Variants in TEK observed in about 807,000 individuals in gnomAD.
TEK encodes the protein angiopoietin-1 receptor.
Under a neutral mutation model 131.8 loss-of-function variants are expected in TEK, and 43 were observed. The ratio of observed to expected loss-of-function variants is 0.33; its 90% CI spans 0.26 to 0.42. The LOEUF is 0.42. Ranked by LOEUF, TEK falls within the 10% of genes least tolerant of loss-of-function variation. The pLI, the probability that TEK is intolerant of heterozygous loss-of-function variation, is 1.00. For synonymous variants in TEK, 580 were observed against 491.6 expected (o/e 1.18, Z -2.38); for missense variants, 1,162 against 1,384.4 (o/e 0.84, Z 2.55).
intron 1 of TEK, among the ~76,000 whole-genome samples, chr9:27,127,640 G>C (rs913093727): frequency 1.3e-5 from 2 of 152,196 alleles, no homozygotes; most frequent in Non-Finnish European, 2.9e-5. Flanking sequence ...TCCAGCATCT[G>C]TTGTTTCCTG....
chr9:27,183,695 A>C, intron 8 of TEK, 85 bp downstream of exon 8: 1 of 1,548,098 alleles, frequency 6.5e-7, no homozygotes, highest in Non-Finnish European at 8.9e-7. Context: ...GATACCATTC[A>C]GTGCTTTTAT....
rs553450 is a variant in TEK at position 27,184,842 on chromosome 9, G to T, written c.1183-643G>T. Among the ~76,000 whole-genome samples the T allele has an allele frequency of 5.6e-3, 849 of 151,892 alleles. 6 individuals are homozygous for T. Among genetic ancestry groups the T allele is most frequent in the African/African-American group, 0.019 (779 of 41,430 alleles). ...CACTTTAGGCCAGAAATTTGAGACC[G>T]GCCTGGGCAACATAGCAAGACCCCA... On this transcript the variant is annotated intron_variant, in intron 8 of 22. Transcript: ENST00000380036.
chr9:27,207,032 T>A lies in TEK; in HGVS notation c.2575+240T>A, dbSNP rs1825423304. Among the ~76,000 whole-genome samples the A allele has an allele frequency of 2.0e-5, 3 of 152,216 alleles. No homozygotes were observed. In the South Asian group the frequency reaches 6.2e-4, roughly 32 times the overall value. Reference sequence around the variant, plus strand: ...ATTCATTGGGATGAGATACTATAGATTCTTGGTCATATATGGCTAACTTTT... The same window carrying A: ...ATTCATTGGGATGAGATACTATAGAATCTTGGTCATATATGGCTAACTTTT... On this transcript the variant is annotated intron_variant, in intron 15 of 22. Coordinates refer to ENST00000380036, the MANE Select transcript of TEK (RefSeq NM_000459.5).
intron 18 of TEK, among the ~76,000 whole-genome samples, chr9:27,213,901 C>T (rs1376977869): frequency 6.6e-6 from 1 of 152,162 alleles, no homozygotes; most frequent in Non-Finnish European, 1.5e-5. Flanking sequence ...CACTCAGGAA[C>T]CTCTGAGGAG....
intron 1 of TEK, among the ~76,000 whole-genome samples, chr9:27,135,400 G>A (rs1433909332): frequency 6.6e-6 from 1 of 151,970 alleles, no homozygotes; most frequent in East Asian, 1.9e-4. Flanking sequence ...GGAGGGTCTA[G>A]TTGTGACTGT....
intron 1 of TEK, among the ~76,000 whole-genome samples, chr9:27,150,870 C>T (rs1012816626): frequency 5.9e-5 from 9 of 152,218 alleles, no homozygotes; most frequent in South Asian, 4.2e-4. Context: ...AAATTTCCGG[C>T]GTTTGAAGGT....
chr9:27,219,489 G>A (rs1024279681), intron 20 of TEK, among the ~76,000 whole-genome samples: 2 of 152,270 alleles, frequency 1.3e-5, no homozygotes, highest in East Asian at 3.9e-4. Context: ...GCCTGTCAGA[G>A]GGTAGGGAAC....
At chr9:27,219,642 C>A (rs7874514) in intron 20 of TEK, among the ~76,000 whole-genome samples, 41,709 of 95,216 alleles carry the variant, frequency 0.44, 6,562 homozygotes, top group African/African-American at 0.57. Flanking sequence ...TACAATAAAC[C>A]AACATGCATG....
intron 1 of TEK, among the ~76,000 whole-genome samples, chr9:27,124,654 GCT>G (rs1465220920): frequency 6.6e-6 from 1 of 152,202 alleles, no homozygotes; most frequent in African/African-American, 2.4e-5. Flanking sequence ...ACAACTACTA[GCT>G]TTGCACTGTG....
rs767813511 is a variant in TEK at position 27,204,928 on chromosome 9, G to T, written c.2227G>T (p.Gly743Trp). ...PESQAPADLG[G>W]GKMLLIAILG... ...CTGCACAGCACCAGCGGACCTCGGAGGGGGGAAGATGCTGCTTATAGCCAT... is the reference window on the plus strand; with the variant it reads ...CTGCACAGCACCAGCGGACCTCGGATGGGGGAAGATGCTGCTTATAGCCAT... Residue 743 changes from glycine to tryptophan, a missense_variant, in exon 14 of 23, where the codon GGG (glycine) becomes TGG (tryptophan). By Grantham distance (184) the Gly-to-Trp change is radical. Transcript: ENST00000380036. 2.5e-6 allele frequency: 4 copies of T among 1,613,910 alleles called. No individual in the cohort carries two copies. Among genetic ancestry groups the T allele is most frequent in the South Asian group, 1.1e-5 (1 of 91,078 alleles).
At chr9:27,168,367 T>C (rs1823817996) in intron 2 of TEK, 128 bp from the exon 3 acceptor site, 1 of 730,218 alleles carries the variant, frequency 1.4e-6, no homozygotes, top group Admixed American at 2.0e-5. Context: ...CACCACTGTT[T>C]TTCACCTTCC....
At chr9:27,160,253 A>G (rs535513211) in intron 2 of TEK, among the ~76,000 whole-genome samples, 1 of 152,074 alleles carries the variant, frequency 6.6e-6, no homozygotes, top group South Asian at 2.1e-4. Context: ...TTGAACTACT[A>G]GCTTCAAGCC....
rs1826483827 is a variant in TEK at position 27,229,628 on chromosome 9, TTAATAAACC to T, written c.*400_*408del. The T allele has an allele frequency of 4.0e-6, 1 of 250,460 alleles. No homozygotes were observed. The highest frequency in any genetic ancestry group is 9.0e-5 in the East Asian group (1 of 11,114). 15.5% of individuals were successfully genotyped at this position (250,460 alleles called of 1,614,324 possible). The stretch of plus-strand genomic sequence containing the variant: ...TTTCCTGTGTCAAAGTAAAATATTG[TTAATAAACC>T]TAACAATGACCCTGATAGTACAGGT... On this transcript the variant is annotated 3_prime_UTR_variant, in exon 23 of 23. Transcript: ENST00000380036.
At chr9:27,140,890 T>C (rs540071443) in intron 1 of TEK, among the ~76,000 whole-genome samples, 6 of 152,256 alleles carry the variant, frequency 3.9e-5, no homozygotes, top group Admixed American at 3.3e-4. Context: ...ATGTTCTACT[T>C]TATGCCTTCA....
chr9:27,177,308 A>G (rs1211523475), intron 6 of TEK, among the ~76,000 whole-genome samples: 2 of 152,142 alleles, frequency 1.3e-5, no homozygotes, highest in African/African-American at 2.4e-5. Context: ...ATTCCCACCA[A>G]CAGCATACAA....
At position 27,229,376 on chromosome 9, in the gene TEK, TC is replaced by T; in HGVS notation, c.*147del. Reference sequence around the variant, plus strand: ...CACCTGGGACCTTCACCACTGTAGATCCCATGCATGGATCTATGTAGTATGC... The same window carrying T: ...CACCTGGGACCTTCACCACTGTAGATCCATGCATGGATCTATGTAGTATGC... On this transcript the variant is annotated 3_prime_UTR_variant, in exon 23 of 23. Transcript: ENST00000380036. 1 of 775,316 alleles carries T rather than the reference TC, an allele frequency of 1.3e-6. No individual in the cohort carries two copies. Among genetic ancestry groups the T allele is most frequent in the Non-Finnish European group, 2.3e-6 (1 of 436,710 alleles). The allele number at this position is 775,316 out of a possible 1,614,324, so 48.0% of individuals were successfully genotyped here.
At chr9:27,226,720 T>C (rs1826344247) in intron 21 of TEK, among the ~76,000 whole-genome samples, 1 of 152,128 alleles carries the variant, frequency 6.6e-6, no homozygotes, top group Non-Finnish European at 1.5e-5. Flanking sequence ...ACTGAAAGTA[T>C]AATAATAAAA....
intron 2 of TEK, among the ~76,000 whole-genome samples, chr9:27,159,105 C>T (rs1405758895): frequency 6.6e-6 from 1 of 152,182 alleles, no homozygotes; most frequent in East Asian, 1.9e-4. Context: ...GGATTCCTTA[C>T]ATATATGGTG....
At chr9:27,186,771 T>G (rs1824614681) in intron 9 of TEK, among the ~76,000 whole-genome samples, 1 of 152,168 alleles carries the variant, frequency 6.6e-6, no homozygotes, top group South Asian at 2.1e-4. Context: ...AGTAATCTCT[T>G]GGGAGATCTC....
Sources: gnomAD v4.1 joint callset for allele counts (sites outside exome capture counted in the v4.1 genomes callset) on GRCh38, gnomAD v4.1.1 for gene constraint, MANE v1.5 for transcripts, NCBI Gene and HGNC (gene_info 2026-07-23, HGNC 2026-07-21) for gene names.